Variants in CDH13 observed in about 807,000 individuals in gnomAD.
CDH13 encodes the protein cadherin 13, also known as cadherin-13.
Under a neutral mutation model 63.8 loss-of-function variants are expected in CDH13, and 24 were observed. The observed-to-expected ratio is 0.38, with a 90% CI of 0.27 to 0.53. CDH13 has a LOEUF of 0.53. Among genes scored for constraint, CDH13 ranks in the 20% least tolerant of loss-of-function variants. CDH13 has a pLI of 0.85. For missense variants in CDH13, 1,049 were observed against 903.1 expected (o/e 1.16, Z -2.07); for synonymous variants, 503 against 355.3 (o/e 1.42, Z -4.67).
At position 83,025,269 on chromosome 16, in the gene CDH13, A is replaced by G. The variant is rs552893069; in HGVS notation, c.158-6741A>G. On this transcript the variant is annotated intron_variant, in intron 2 of 13. Transcript: ENST00000567109. ...GGATAAAGATGTCGAGGATTAAAGA[A>G]TATAGGTGGTATATTAGTCCATTCT... Among the ~76,000 whole-genome samples, 292 of 152,356 alleles carry G rather than the reference A, an allele frequency of 1.9e-3. 1 individual carries two copies. The highest frequency in any genetic ancestry group is 0.017 in the Middle Eastern group (5 of 294).
chr16:83,782,977 G>T (rs1168375091), intron 12 of CDH13, among the ~76,000 whole-genome samples: 2 of 152,052 alleles, frequency 1.3e-5, no homozygotes, highest in African/African-American at 4.8e-5. Flanking sequence ...ATCGCGCCGA[G>T]GCACAGAACT....
chr16:83,482,493 A>G (rs1212947421), intron 6 of CDH13, among the ~76,000 whole-genome samples: 1 of 152,210 alleles, frequency 6.6e-6, no homozygotes. Flanking sequence ...TTTGCCACGT[A>G]TTTCCCAAAT....
At chr16:82,773,725 G>C (rs75858574) in intron 1 of CDH13, among the ~76,000 whole-genome samples, 7,749 of 151,904 alleles carry the variant, frequency 0.051, 241 homozygotes, top group Middle Eastern at 0.12. Context: ...GCCTTATGTT[G>C]CCAACATTGC....
chr16:83,765,952 C>A (rs1001429186), intron 11 of CDH13, among the ~76,000 whole-genome samples: 1 of 152,106 alleles, frequency 6.6e-6, no homozygotes, highest in Non-Finnish European at 1.5e-5. Context: ...TCAACAGATG[C>A]ACAGCTACCT....
At chr16:83,722,225 T>G (rs578162092) in intron 10 of CDH13, among the ~76,000 whole-genome samples, 7 of 152,348 alleles carry the variant, frequency 4.6e-5, no homozygotes, top group African/African-American at 1.4e-4. Flanking sequence ...AGCCTTGCTA[T>G]TCTCATCCCT....
intron 13 of CDH13, among the ~76,000 whole-genome samples, chr16:83,793,367 G>A (rs768005933): frequency 7.2e-5 from 11 of 152,158 alleles, no homozygotes; most frequent in Non-Finnish European, 1.5e-4. Flanking sequence ...AGCCAACATT[G>A]CTGAGTTGAG....
chr16:82,707,231 A>C (rs2031565086), intron 1 of CDH13, among the ~76,000 whole-genome samples: 1 of 152,226 alleles, frequency 6.6e-6, no homozygotes, highest in Non-Finnish European at 1.5e-5. Flanking sequence ...AACTGAACAA[A>C]AGCCATTGCT....
intron 1 of CDH13, among the ~76,000 whole-genome samples, chr16:82,837,808 G>C (rs971571681): frequency 6.6e-6 from 1 of 152,144 alleles, no homozygotes; most frequent in Non-Finnish European, 1.5e-5. Flanking sequence ...CAAGAGTTCA[G>C]CATAAACCGA....
intron 5 of CDH13, among the ~76,000 whole-genome samples, chr16:83,264,369 G>A (rs1907342442): frequency 6.6e-6 from 1 of 151,978 alleles, no homozygotes; most frequent in Non-Finnish European, 1.5e-5. Context: ...ACTTGGTTTG[G>A]CCAATCGCTT....
chr16:83,024,066 C>G (rs1168856009), intron 2 of CDH13, among the ~76,000 whole-genome samples: 1 of 152,050 alleles, frequency 6.6e-6, no homozygotes, highest in African/African-American at 2.4e-5. Context: ...ATTTGGATAT[C>G]ATAGCCTTCC....
chr16:82,749,398 C>T (rs1265964554), intron 1 of CDH13, among the ~76,000 whole-genome samples: 1 of 152,134 alleles, frequency 6.6e-6, no homozygotes, highest in East Asian at 1.9e-4. Context: ...AGAGGTAACC[C>T]TGATGGAGAA....
chr16:83,537,322 T>C (rs2075210741), intron 7 of CDH13, among the ~76,000 whole-genome samples: 1 of 152,222 alleles, frequency 6.6e-6, no homozygotes, highest in South Asian at 2.1e-4. Flanking sequence ...AAATTTGTCC[T>C]GCTATATTTC....
intron 7 of CDH13, among the ~76,000 whole-genome samples, chr16:83,511,109 CATGCACACACATGCACAT>C (rs1567724708): frequency 1.9e-5 from 2 of 104,330 alleles, no homozygotes; most frequent in African/African-American, 7.8e-5. Context: ...CACATGCACG[CATGCACACACATGCACAT>C]GTGCACACAT....
chr16:83,200,485 C>G lies in CDH13; in HGVS notation c.484-16860C>G, dbSNP rs114424928. Among the ~76,000 whole-genome samples the G allele has an allele frequency of 1.3e-3, 192 of 152,274 alleles. 1 individual carries two copies. The highest frequency in any genetic ancestry group is 4.4e-3 in the African/African-American group (182 of 41,544). On this transcript the variant is annotated intron_variant, in intron 4 of 13. Coordinates refer to ENST00000567109, the MANE Select transcript of CDH13 (RefSeq NM_001257.5). Reference sequence around the variant, plus strand: ...ACAGAACAGATCTCCTCACTTTTCTCTCAAATGTTTTCCTCCTTAGTCCCC... The same window carrying G: ...ACAGAACAGATCTCCTCACTTTTCTGTCAAATGTTTTCCTCCTTAGTCCCC...
chr16:83,130,815 C>A (rs998406186), intron 4 of CDH13, among the ~76,000 whole-genome samples: 1 of 152,050 alleles, frequency 6.6e-6, no homozygotes, highest in Admixed American at 6.6e-5. Context: ...TTTTTTTGGT[C>A]ATATTTTATT....
rs1239169050 is a variant in CDH13 at position 82,842,112 on chromosome 16, G to GTA, written c.46-16225_46-16224dup. ...TCTACATATATATATATATATATATGTATATATATATATATATATATATAT... is the reference window on the plus strand; with the variant it reads ...TCTACATATATATATATATATATATGTATATATATATATATATATATATATAT... On this transcript the variant is annotated intron_variant, in intron 1 of 13. Coordinates refer to ENST00000567109, the MANE Select transcript of CDH13 (RefSeq NM_001257.5). Among the ~76,000 whole-genome samples, 52 of 58,940 alleles carry GTA rather than the reference G, an allele frequency of 8.8e-4. 1 individual carries two copies. Among genetic ancestry groups the GTA allele is most frequent in the African/African-American group, 2.7e-3 (39 of 14,694 alleles). 38.7% of individuals were successfully genotyped at this position (58,940 alleles called of 152,430 possible). A position where few individuals can be genotyped will look rare whatever the true frequency, so the allele number is the denominator to read the frequency against.
chr16:83,318,287 T>C (rs917450198), intron 5 of CDH13, among the ~76,000 whole-genome samples: 1 of 152,222 alleles, frequency 6.6e-6, no homozygotes, highest in Non-Finnish European at 1.5e-5. Context: ...CCCCTTTCTC[T>C]TTTCTTTAAA....
chr16:82,687,032 A>T (rs1461307991), intron 1 of CDH13, among the ~76,000 whole-genome samples: 1 of 152,202 alleles, frequency 6.6e-6, no homozygotes, highest in Non-Finnish European at 1.5e-5. Context: ...CCCTTCGTAG[A>T]TGTAGGAATC....
intron 10 of CDH13, among the ~76,000 whole-genome samples, chr16:83,692,061 C>G (rs1019294749): frequency 6.6e-6 from 1 of 152,170 alleles, no homozygotes; most frequent in African/African-American, 2.4e-5. Flanking sequence ...GACTCAATGA[C>G]AGCCGTCGTC....
Sources: gnomAD v4.1 joint callset for allele counts (sites outside exome capture counted in the v4.1 genomes callset) on GRCh38, gnomAD v4.1.1 for gene constraint, MANE v1.5 for transcripts, NCBI Gene and HGNC (gene_info 2026-07-23, HGNC 2026-07-21) for gene names.